Variants in ADCY8 observed in about 807,000 individuals in gnomAD.
ADCY8 encodes adenylate cyclase 8, also known as adenylate cyclase type 8.
Under a neutral mutation model 119.7 loss-of-function variants are expected in ADCY8, and 51 were observed. The ratio of observed to expected loss-of-function variants is 0.43; its 90% CI spans 0.34 to 0.54. The LOEUF is 0.54. Ranked by LOEUF, ADCY8 falls within the 20% of genes least tolerant of loss-of-function variation. ADCY8 has a pLI of 0.03. For synonymous variants in ADCY8, 665 were observed against 651.0 expected (o/e 1.02, Z -0.33); for missense variants, 1,383 against 1,598.8 (o/e 0.87, Z 2.30).
intron 15 of ADCY8, among the ~76,000 whole-genome samples, chr8:130,788,028 G>C (rs1003315611): frequency 1.3e-5 from 2 of 152,174 alleles, no homozygotes; most frequent in African/African-American, 4.8e-5. Context: ...TTTCATATTG[G>C]CTTGGTGTTA....
chr8:130,831,167 A>G (rs1384748676), intron 12 of ADCY8, among the ~76,000 whole-genome samples: 1 of 152,214 alleles, frequency 6.6e-6, no homozygotes, highest in African/African-American at 2.4e-5. Flanking sequence ...AAGGGTTGTG[A>G]ATGATAGTTG....
At chr8:131,005,243 C>A (rs149100727) in intron 1 of ADCY8, among the ~76,000 whole-genome samples, 1 of 152,166 alleles carries the variant, frequency 6.6e-6, no homozygotes, top group African/African-American at 2.4e-5. Context: ...AAAGGCTAAA[C>A]GAGGCCATTG....
chr8:130,993,698 A>G (rs563495974), intron 1 of ADCY8, among the ~76,000 whole-genome samples: 19 of 152,266 alleles, frequency 1.2e-4, no homozygotes, highest in South Asian at 6.2e-4. Flanking sequence ...CATGTAAGAC[A>G]TGCCTTTCTC....
intron 9 of ADCY8, among the ~76,000 whole-genome samples, chr8:130,865,450 T>C (rs897861988): frequency 1.1e-4 from 16 of 152,116 alleles, no homozygotes; most frequent in African/African-American, 3.9e-4. Context: ...TGCTTCAGCT[T>C]CTTTTAAAAG....
intron 15 of ADCY8, among the ~76,000 whole-genome samples, chr8:130,792,419 C>T (rs867369036): frequency 1.3e-5 from 2 of 152,176 alleles, no homozygotes; most frequent in Middle Eastern, 6.3e-3. Flanking sequence ...TAACTGCATG[C>T]CCTGCCTTGA....
chr8:130,982,484 A>C (rs910670696), intron 2 of ADCY8, among the ~76,000 whole-genome samples: 4 of 152,210 alleles, frequency 2.6e-5, no homozygotes, highest in African/African-American at 9.6e-5. Flanking sequence ...ACACTTTTTC[A>C]GGCATTATGT....
chr8:130,868,332 A>G (rs1818202170), intron 8 of ADCY8, among the ~76,000 whole-genome samples: 1 of 151,700 alleles, frequency 6.6e-6, no homozygotes, highest in Admixed American at 6.6e-5. Flanking sequence ...ACACAGGGAA[A>G]TGTTTTACCA....
intron 1 of ADCY8, among the ~76,000 whole-genome samples, chr8:131,005,753 C>T (rs1254408852): frequency 5.9e-5 from 9 of 152,134 alleles, no homozygotes; most frequent in Non-Finnish European, 1.0e-4. Context: ...TGTAGAGGAG[C>T]TCTTGTGAGG....
chr8:130,943,106 G>A (rs1030814698), intron 4 of ADCY8, among the ~76,000 whole-genome samples: 10 of 152,118 alleles, frequency 6.6e-5, no homozygotes, highest in Non-Finnish European at 1.2e-4. Context: ...AAAAGGACTG[G>A]GGTTTGATTG....
intron 1 of ADCY8, among the ~76,000 whole-genome samples, chr8:131,017,518 C>A (rs900016275): frequency 6.6e-6 from 1 of 152,208 alleles, no homozygotes; most frequent in Non-Finnish European, 1.5e-5. Context: ...GCTTACATAA[C>A]TACTCTTTAT....
At chr8:130,935,889 ACT>A (rs1480019882) in intron 5 of ADCY8, among the ~76,000 whole-genome samples, 10 of 151,758 alleles carry the variant, frequency 6.6e-5, no homozygotes, top group African/African-American at 2.4e-4. Flanking sequence ...ATTTTGAGAA[ACT>A]CTCTATTATA....
intron 7 of ADCY8, among the ~76,000 whole-genome samples, chr8:130,890,533 C>A (rs1819150017): frequency 6.6e-6 from 1 of 152,114 alleles, no homozygotes; most frequent in Non-Finnish European, 1.5e-5. Flanking sequence ...GCTATTTGAT[C>A]AAATGCCTAG....
intron 5 of ADCY8, among the ~76,000 whole-genome samples, chr8:130,910,441 G>A (rs949219941): frequency 3.9e-5 from 6 of 151,952 alleles, no homozygotes; most frequent in Non-Finnish European, 8.8e-5. Flanking sequence ...TCATGCCTGA[G>A]TCTGGGATCC....
At chr8:130,919,834 T>C (rs985957980) in intron 5 of ADCY8, among the ~76,000 whole-genome samples, 1 of 152,176 alleles carries the variant, frequency 6.6e-6, no homozygotes, top group Non-Finnish European at 1.5e-5. Flanking sequence ...CTCTGTGCTT[T>C]GTGTCTTGCT....
chr8:130,949,435 G>A (rs534278786), intron 3 of ADCY8: 1 of 152,120 alleles, frequency 6.6e-6, no homozygotes, highest in African/African-American at 2.4e-5. Flanking sequence ...AGATGAGTAT[G>A]TAATTAAATA....
At chr8:130,898,803 T>C (rs1279528807) in intron 7 of ADCY8, among the ~76,000 whole-genome samples, 1 of 152,190 alleles carries the variant, frequency 6.6e-6, no homozygotes, top group East Asian at 1.9e-4. Flanking sequence ...ATAAAAACCT[T>C]TGGTATCTTC....
Position 131,039,927 on chromosome 8 carries a change from G to A in ADCY8, c.407C>T (p.Pro136Leu). 1 of 1,608,802 alleles carries A rather than the reference G, an allele frequency of 6.2e-7. No individual in the cohort carries two copies. The highest frequency in any genetic ancestry group is 8.5e-7 in the Non-Finnish European group (1 of 1,177,590). The stretch of plus-strand genomic sequence containing the variant: ...ATTAAGAAAGAAATCCGAGTTGCTA[G>A]GGGCACAGTCAAGGTGCAGGAAGCC... ...DLGFLHLDCA[P>L]SNSDFFLNGG... is the part of the protein sequence containing the mutation. Residue 136 changes from proline (P) to leucine (L), a missense_variant, in exon 1 of 18, where the codon CCT becomes CTT. Pro to Leu is a moderately conservative substitution (Grantham distance 98). Coordinates refer to ENST00000286355, the MANE Select transcript of ADCY8 (RefSeq NM_001115.3).
chr8:130,918,238 GCAGGAT>G (rs1347183407), intron 5 of ADCY8, among the ~76,000 whole-genome samples: 1 of 152,218 alleles, frequency 6.6e-6, no homozygotes, highest in African/African-American at 2.4e-5. Flanking sequence ...TACGGTGCTA[GCAGGAT>G]CAGGTTCTGG....
Position 131,001,441 on chromosome 8 carries a change from T to A in ADCY8, c.961-10899A>T, listed in dbSNP as rs563710517. Among the ~76,000 whole-genome samples the A allele has an allele frequency of 5.9e-5, 9 of 152,098 alleles. 1 individual carries two copies. In the South Asian group the frequency reaches 1.5e-3, roughly 25 times the overall value. On this transcript the variant is annotated intron_variant, in intron 1 of 17. Transcript: ENST00000286355. Reference sequence around the variant, plus strand: ...ATGTGAGTTTAGGCAAGTCACTTTATGTCTCGATGAGCCTCAACTTTCTGA... The same window carrying A: ...ATGTGAGTTTAGGCAAGTCACTTTAAGTCTCGATGAGCCTCAACTTTCTGA...
Sources: gnomAD v4.1 joint callset for allele counts (sites outside exome capture counted in the v4.1 genomes callset) on GRCh38, gnomAD v4.1.1 for gene constraint, MANE v1.5 for transcripts, NCBI Gene and HGNC (gene_info 2026-07-23, HGNC 2026-07-21) for gene names.